Variants in PRTG observed in about 807,000 individuals in gnomAD.
The protein encoded by PRTG is protogenin, also known as immunoglobulin superfamily, DCC subclass, member 5.
Under a neutral mutation model 122.5 loss-of-function variants are expected in PRTG, and 67 were observed. The ratio of observed to expected loss-of-function variants is 0.55; its 90% CI spans 0.45 to 0.67. PRTG has a LOEUF of 0.67. Among genes scored for constraint, PRTG ranks in the 30% least tolerant of loss-of-function variants. The pLI, the probability that PRTG is intolerant of heterozygous loss-of-function variation, is 0.00. For synonymous variants in PRTG, 554 were observed against 501.1 expected (o/e 1.11, Z -1.41); for missense variants, 1,435 against 1,415.4 (o/e 1.01, Z -0.22).
Position 55,637,292 on chromosome 15 carries a change from T to G in PRTG, c.2501A>C (p.Asp834Ala), listed in dbSNP as rs1424121790. ...VGVKVTLIED[D>A]TALVSWKPPD... ...GGGTTTCCAAGAAACCAGGGCAGTG[T>G]CATCCTCTATTAATGTCACTTTTAC... The change falls in exon 15 of 20, where the codon GAC (aspartate) becomes GCC (alanine). Residue 834 changes from aspartate (D) to alanine (A), a missense_variant. Asp to Ala is a moderately radical substitution (Grantham distance 126). Coordinates refer to ENST00000389286, the MANE Select transcript of PRTG (RefSeq NM_173814.6). 1 of 1,613,828 alleles carries G rather than the reference T, an allele frequency of 6.2e-7. No homozygotes were observed. Among genetic ancestry groups the G allele is most frequent in the Non-Finnish European group, 8.5e-7 (1 of 1,179,942 alleles).
intron 2 of PRTG, among the ~76,000 whole-genome samples, chr15:55,716,892 G>A (rs561724008): frequency 2.0e-5 from 3 of 152,202 alleles, no homozygotes; most frequent in Admixed American, 6.5e-5. Context: ...GCTTGATAAT[G>A]CCTAAAATTC....
chr15:55,636,846 C>T (rs1018271725), intron 15 of PRTG, among the ~76,000 whole-genome samples: 1 of 152,112 alleles, frequency 6.6e-6, no homozygotes, highest in Non-Finnish European at 1.5e-5. Flanking sequence ...GGGGTTTCAC[C>T]ATGTTGGTTA....
chr15:55,723,730 T>C (rs2556571), intron 2 of PRTG, among the ~76,000 whole-genome samples: 146,169 of 149,944 alleles, frequency 0.97, 71,366 homozygotes, highest in East Asian at 1. Context: ...AAAAGATTAA[T>C]AGCCATATTC....
intron 2 of PRTG, among the ~76,000 whole-genome samples, chr15:55,703,332 G>A (rs186207354): frequency 9.0e-4 from 137 of 152,242 alleles, no homozygotes; most frequent in Non-Finnish European, 6.2e-4. Flanking sequence ...CACTTCTAAT[G>A]TCCTCATCTG....
rs1212838609 is a variant in PRTG at position 55,737,994 on chromosome 15, CTCTCTCTCTATA to C, written c.397+2376_397+2387del. ...ATGCCTATTCTCTCTCTCTCTCTCT[CTCTCTCTCTATA>C]TATATATATATATATATATACACAC... On this transcript the variant is annotated intron_variant, in intron 2 of 19. Coordinates refer to ENST00000389286, the MANE Select transcript of PRTG (RefSeq NM_173814.6). Among the ~76,000 whole-genome samples, 6 of 64,516 alleles carry C rather than the reference CTCTCTCTCTATA, an allele frequency of 9.3e-5. No homozygotes were observed. The South Asian group carries it at 1.3e-3, about 14-fold the overall frequency. 42.3% of individuals were successfully genotyped at this position (64,516 alleles called of 152,430 possible). A position where few individuals can be genotyped will look rare whatever the true frequency, so the allele number is the denominator to read the frequency against.
At chr15:55,628,650 A>C (rs1192365275) in intron 16 of PRTG, among the ~76,000 whole-genome samples, 172 bp downstream of exon 16, 1 of 152,226 alleles carries the variant, frequency 6.6e-6, no homozygotes, top group Non-Finnish European at 1.5e-5. Context: ...GCCTCCTTCT[A>C]GGAGTATGAG....
chr15:55,684,939 G>A (rs749352492), intron 2 of PRTG, among the ~76,000 whole-genome samples: 17 of 152,086 alleles, frequency 1.1e-4, no homozygotes, highest in Non-Finnish European at 2.1e-4. Context: ...GTATTTTCTA[G>A]AGATAATTAT....
chr15:55,634,348 G>A lies in PRTG; in HGVS notation c.2623+2822C>T, dbSNP rs945302205. On this transcript the variant is annotated intron_variant, in intron 15 of 19. Transcript: ENST00000389286. ...CCTCCAAACTGCTGGGATTACAGGC[G>A]TGAGCCACTGCACCTGGCTCTATAC... Among the ~76,000 whole-genome samples the A allele has an allele frequency of 9.2e-5, 14 of 152,076 alleles. No individual in the cohort carries two copies. The South Asian group carries it at 2.3e-3, about 25-fold the overall frequency.
At chr15:55,641,043 A>G in intron 12 of PRTG, 70 bp downstream of exon 12, 1 of 1,045,688 alleles carries the variant, frequency 9.6e-7, no homozygotes, top group South Asian at 1.3e-5. Flanking sequence ...TGAGACTGTA[A>G]CTTAAAGGAG....
chr15:55,698,423 T>C (rs1026574905), intron 2 of PRTG, among the ~76,000 whole-genome samples: 2 of 152,114 alleles, frequency 1.3e-5, no homozygotes, highest in Admixed American at 1.3e-4. Flanking sequence ...TCCCAGTAGC[T>C]GGGACTACAG....
intron 2 of PRTG, among the ~76,000 whole-genome samples, chr15:55,732,006 G>A (rs1224586821): frequency 6.6e-6 from 1 of 152,168 alleles, no homozygotes; most frequent in East Asian, 1.9e-4. Flanking sequence ...TGTGCAGCAT[G>A]TAATGGTACT....
chr15:55,741,320 G>A (rs2031599590), intron 1 of PRTG, among the ~76,000 whole-genome samples: 1 of 152,218 alleles, frequency 6.6e-6, no homozygotes, highest in Non-Finnish European at 1.5e-5. Context: ...TGAAAAGTTG[G>A]TAACTCTTGC....
chr15:55,676,685 C>T (rs2059504826), intron 8 of PRTG, among the ~76,000 whole-genome samples: 2 of 152,170 alleles, frequency 1.3e-5, no homozygotes, highest in South Asian at 4.1e-4. Context: ...ATTAAAAAGC[C>T]TTGTTCCATT....
At chr15:55,646,515 G>A (rs1230949075) in intron 11 of PRTG, among the ~76,000 whole-genome samples, 1 of 151,234 alleles carries the variant, frequency 6.6e-6, no homozygotes, top group Non-Finnish European at 1.5e-5. Flanking sequence ...GTAGAGACGG[G>A]GTTTCACCGT....
chr15:55,647,792 C>T (rs2059332289), intron 11 of PRTG, among the ~76,000 whole-genome samples: 1 of 152,180 alleles, frequency 6.6e-6, no homozygotes, highest in Non-Finnish European at 1.5e-5. Context: ...TTCATACAAA[C>T]AAGATCTAGA....
At chr15:55,722,444 T>A (rs1459460414) in intron 2 of PRTG, among the ~76,000 whole-genome samples, 1 of 152,200 alleles carries the variant, frequency 6.6e-6, no homozygotes, top group East Asian at 1.9e-4. Flanking sequence ...AAACACAGAA[T>A]TCTCAATCAG....
intron 2 of PRTG, among the ~76,000 whole-genome samples, chr15:55,730,465 C>CCA (rs1333739061): frequency 3.3e-5 from 5 of 151,914 alleles, no homozygotes; most frequent in African/African-American, 1.2e-4. Context: ...AGATACATCT[C>CCA]CACACAACTC....
At chr15:55,726,090 G>A (rs368804224) in intron 2 of PRTG, among the ~76,000 whole-genome samples, 2 of 152,176 alleles carry the variant, frequency 1.3e-5, no homozygotes, top group South Asian at 4.1e-4. Flanking sequence ...TTATAGGCAC[G>A]TGCCATGACG....
intron 2 of PRTG, among the ~76,000 whole-genome samples, chr15:55,709,271 A>G (rs2030282822): frequency 6.8e-6 from 1 of 148,054 alleles, no homozygotes; most frequent in African/African-American, 2.5e-5. Flanking sequence ...CATGATAATG[A>G]CCCACTAGTA....
Sources: gnomAD v4.1 joint callset for allele counts (sites outside exome capture counted in the v4.1 genomes callset) on GRCh38, gnomAD v4.1.1 for gene constraint, MANE v1.5 for transcripts, NCBI Gene and HGNC (gene_info 2026-07-23, HGNC 2026-07-21) for gene names.